Variants in GNG12 observed in about 807,000 individuals in gnomAD.
GNG12 encodes the protein G protein subunit gamma 12, also known as guanine nucleotide-binding protein G(I)/G(S)/G(O) subunit gamma-12.
For missense variants in GNG12, 69 were observed against 83.8 expected (o/e 0.82, Z 0.69); for synonymous variants, 28 against 29.7 (o/e 0.94, Z 0.19).
At chr1:67,801,807 T>C (rs1290955744) in intron 1 of GNG12, among the ~76,000 whole-genome samples, 1 of 152,156 alleles carries the variant, frequency 6.6e-6, no homozygotes, top group Non-Finnish European at 1.5e-5. Context: ...ATGATAATAA[T>C]CTATAATTTC....
At chr1:67,808,499 G>A (rs900906015) in intron 1 of GNG12, among the ~76,000 whole-genome samples, 1 of 151,942 alleles carries the variant, frequency 6.6e-6, no homozygotes, top group Non-Finnish European at 1.5e-5. Flanking sequence ...TAGGGGAAGA[G>A]GAAATAAAAC....
At chr1:67,798,360 T>C (rs1359353928) in intron 1 of GNG12, among the ~76,000 whole-genome samples, 1 of 152,078 alleles carries the variant, frequency 6.6e-6, no homozygotes, top group Non-Finnish European at 1.5e-5. Context: ...AACAGTTTCA[T>C]CCCCAACCCC....
intron 2 of GNG12, among the ~76,000 whole-genome samples, chr1:67,774,858 T>G (rs975682325): frequency 1.3e-5 from 2 of 152,192 alleles, no homozygotes; most frequent in Non-Finnish European, 2.9e-5. Context: ...AAAAAGCCCA[T>G]AGAAGTAATT....
At chr1:67,808,459 A>G (rs1238872069) in intron 1 of GNG12, among the ~76,000 whole-genome samples, 1 of 152,160 alleles carries the variant, frequency 6.6e-6, no homozygotes, top group Non-Finnish European at 1.5e-5. Context: ...GTAATGCAAT[A>G]GTAAATAAAA....
intron 2 of GNG12, chr1:67,772,533 T>A (rs1164415320): frequency 6.6e-6 from 1 of 152,214 alleles, no homozygotes; most frequent in Non-Finnish European, 1.5e-5. Flanking sequence ...TCCCTCCTTC[T>A]GGTACCAACA....
intron 2 of GNG12, among the ~76,000 whole-genome samples, chr1:67,771,829 T>C (rs2100755273): frequency 6.6e-6 from 1 of 152,330 alleles, no homozygotes; most frequent in South Asian, 2.1e-4. Flanking sequence ...AGAATGCATG[T>C]AAAGCACTTA....
Position 67,705,428 on chromosome 1 carries a change from C to A in GNG12, c.*23G>T, listed in dbSNP as rs374150257. On this transcript the variant is annotated 3_prime_UTR_variant, in exon 4 of 4. Coordinates refer to ENST00000370982, the MANE Select transcript of GNG12 (RefSeq NM_018841.6). ...CATAATTTGCGTTGTTGGGAAGAGGCGAGGAGCTGTTTCTCTATTCCACTA... is the reference window on the plus strand; with the variant it reads ...CATAATTTGCGTTGTTGGGAAGAGGAGAGGAGCTGTTTCTCTATTCCACTA... 1.2e-6 allele frequency: 2 copies of A among 1,611,166 alleles called. No individual in the cohort carries two copies. The highest frequency in any genetic ancestry group is 2.2e-5 in the South Asian group (2 of 90,450).
Position 67,705,478 on chromosome 1 carries a change from C to T in GNG12, c.192G>A (p.Lys64=), listed in dbSNP as rs749045743. ...ATAAGATGATGCAAGTTTTTTTATC[C>T]TTGAAAGGGTTTTCTGAAGTTGGTA... is the stretch of plus-strand genomic sequence containing the variant. ...IGIPTSENPF[K]DKKTCIIL Residue 64 remains lysine, a synonymous_variant, in exon 4 of 4, where the codon AAG becomes AAA. Coordinates refer to ENST00000370982, the MANE Select transcript of GNG12 (RefSeq NM_018841.6). The T allele has an allele frequency of 1.9e-6, 3 of 1,613,836 alleles. No individual in the cohort carries two copies. Among genetic ancestry groups the T allele is most frequent in the Non-Finnish European group, 2.5e-6 (3 of 1,179,910 alleles).
At chr1:67,792,724 A>C (rs2100785464) in intron 1 of GNG12, among the ~76,000 whole-genome samples, 1 of 152,278 alleles carries the variant, frequency 6.6e-6, no homozygotes, top group South Asian at 2.1e-4. Flanking sequence ...AGTTTGCCAC[A>C]CAACTTTTGT....
intron 2 of GNG12, among the ~76,000 whole-genome samples, chr1:67,708,674 T>C (rs1392407203): frequency 6.6e-6 from 1 of 152,214 alleles, no homozygotes; most frequent in Non-Finnish European, 1.5e-5. Flanking sequence ...CCTGGTGCCC[T>C]GACCTATATG....
At chr1:67,738,395 C>T (rs575014062) in intron 2 of GNG12, among the ~76,000 whole-genome samples, 1 of 152,234 alleles carries the variant, frequency 6.6e-6, no homozygotes, top group South Asian at 2.1e-4. Context: ...AATGCTTGTC[C>T]TAGGTATATA....
At chr1:67,715,265 AC>A (rs1477439357) in intron 2 of GNG12, among the ~76,000 whole-genome samples, 1 of 152,162 alleles carries the variant, frequency 6.6e-6, no homozygotes, top group African/African-American at 2.4e-5. Flanking sequence ...GAAGCGGCCA[AC>A]CCTGCCAATG....
intron 1 of GNG12, among the ~76,000 whole-genome samples, chr1:67,812,231 GA>G (rs150012217): frequency 2.0e-5 from 3 of 150,786 alleles, no homozygotes; most frequent in Non-Finnish European, 3.0e-5. Flanking sequence ...CAGCTTATTG[GA>G]AAAAAAAATC....
intron 2 of GNG12, among the ~76,000 whole-genome samples, chr1:67,766,105 C>A (rs987326539): frequency 7.9e-6 from 1 of 125,826 alleles, no homozygotes; most frequent in Non-Finnish European, 1.6e-5. Context: ...AAGGCACACA[C>A]GCACACACAC....
intron 1 of GNG12, among the ~76,000 whole-genome samples, chr1:67,828,736 A>G (rs1305165812): frequency 6.6e-6 from 1 of 152,252 alleles, no homozygotes; most frequent in Non-Finnish European, 1.5e-5. Flanking sequence ...CACAACTTCC[A>G]TAAAGTCAAG....
intron 2 of GNG12, among the ~76,000 whole-genome samples, chr1:67,745,815 T>C (rs750049147): frequency 6.6e-6 from 1 of 152,220 alleles, no homozygotes; most frequent in Non-Finnish European, 1.5e-5. Flanking sequence ...TTGTCTGATG[T>C]AGTTTTCCTT....
intron 1 of GNG12, among the ~76,000 whole-genome samples, chr1:67,813,407 G>A (rs1026626942): frequency 2.0e-5 from 3 of 152,136 alleles, no homozygotes; most frequent in African/African-American, 7.2e-5. Flanking sequence ...GAATTGGTAT[G>A]CTTCCTTTTA....
chr1:67,750,262 G>A (rs1646530910), intron 2 of GNG12, among the ~76,000 whole-genome samples: 2 of 152,278 alleles, frequency 1.3e-5, no homozygotes, highest in Admixed American at 1.3e-4. Flanking sequence ...AGAGTCTTTG[G>A]TGTGCCTCTG....
intron 2 of GNG12, among the ~76,000 whole-genome samples, chr1:67,758,133 CT>C (rs1646580867): frequency 6.6e-6 from 1 of 152,144 alleles, no homozygotes; most frequent in African/African-American, 2.4e-5. Context: ...GACCACACCC[CT>C]GGCTAATTTT....
Sources: allele counts gnomAD v4.1 joint callset (sites outside exome capture counted in the v4.1 genomes callset), GRCh38; gene constraint gnomAD v4.1.1; transcripts MANE v1.5; gene names NCBI Gene and HGNC (gene_info 2026-07-23, HGNC 2026-07-21).